PLXNC1: variants seen among roughly 807,000 people sequenced by gnomAD.
PLXNC1 encodes the protein plexin-C1.
A neutral mutation model predicts 178.2 loss-of-function variants in PLXNC1; 75 were observed. The observed-to-expected ratio is 0.42, with a 90% CI of 0.35 to 0.51. The LOEUF (loss-of-function observed/expected upper bound fraction) is 0.51. Ranked by LOEUF, PLXNC1 falls within the 20% of genes least tolerant of loss-of-function variation. The pLI is 0.02. For missense variants in PLXNC1, 1,503 were observed against 1,984.4 expected, an observed-to-expected ratio of 0.76 and a Z score of 4.61; for synonymous variants, 790 against 779.9, an observed-to-expected ratio of 1.01 and a Z score of -0.22.
chr12:94,302,248 T>G (rs1025485883), intron 28 of PLXNC1, among the ~76,000 whole-genome samples: 5 of 152,202 alleles, frequency 3.3e-5, no homozygotes, highest in African/African-American at 1.2e-4. Context: ...ACATACCCAC[T>G]GTGCTACAGC....
chr12:94,225,020 G>T (rs1396711085), intron 7 of PLXNC1, among the ~76,000 whole-genome samples: 2 of 152,164 alleles, frequency 1.3e-5, no homozygotes, highest in African/African-American at 4.8e-5. Context: ...AGGACAAGGT[G>T]AAGTCCCTTT....
intron 9 of PLXNC1, among the ~76,000 whole-genome samples, chr12:94,235,563 T>A (rs761240110): frequency 4.6e-5 from 7 of 152,180 alleles, no homozygotes; most frequent in Non-Finnish European, 1.0e-4. Flanking sequence ...AAATTCTATC[T>A]TGCTCCCCTA....
intron 17 of PLXNC1, among the ~76,000 whole-genome samples, chr12:94,259,124 C>A (rs1964929345): frequency 6.6e-6 from 1 of 152,150 alleles, no homozygotes; most frequent in South Asian, 2.1e-4. Flanking sequence ...AATTATTATT[C>A]TTAGAGGCTT....
chr12:94,286,464 A>G (rs1966843547), intron 23 of PLXNC1, among the ~76,000 whole-genome samples: 1 of 152,128 alleles, frequency 6.6e-6, no homozygotes, highest in Non-Finnish European at 1.5e-5. Flanking sequence ...GTAATTTGAC[A>G]GGGCTGGGCT....
rs757586679 is a variant in PLXNC1, at chr12:94,149,751, C to T, written c.780C>T (p.Gly260=). The change falls in exon 1 of 31, where the codon GGC becomes GGT. Residue 260 remains glycine, a synonymous_variant. Coordinates refer to ENST00000258526, the MANE Select transcript of PLXNC1 (RefSeq NM_005761.3). Reference sequence around the variant, plus strand: ...ACTACACGAGCGGCGCTGCCACCGGCTGGCCCAGCATGGCGCGCATCGCGC... The same window carrying T: ...ACTACACGAGCGGCGCTGCCACCGGTTGGCCCAGCATGGCGCGCATCGCGC... ...PYNYTSGAAT[G]WPSMARIAQS... is the part of the protein sequence containing the mutation. 1.9e-6 allele frequency: 3 copies of T among 1,610,540 alleles called. No homozygotes were observed. The highest frequency in any genetic ancestry group is 2.5e-6 in the Non-Finnish European group (3 of 1,179,400).
At chr12:94,234,573 C>G (rs754227151) in intron 9 of PLXNC1, among the ~76,000 whole-genome samples, 7 of 152,132 alleles carry the variant, frequency 4.6e-5, no homozygotes, top group Non-Finnish European at 1.0e-4. Flanking sequence ...ACAGGAAGCA[C>G]ACTATTCTGA....
intron 2 of PLXNC1, among the ~76,000 whole-genome samples, chr12:94,173,581 G>GA (rs1391926397): frequency 6.6e-6 from 1 of 152,088 alleles, no homozygotes; most frequent in Non-Finnish European, 1.5e-5. Flanking sequence ...CTTTATAAAT[G>GA]AAAAAACCTG....
At chr12:94,291,981 C>A (rs994636664) in intron 23 of PLXNC1, among the ~76,000 whole-genome samples, 1 of 152,182 alleles carries the variant, frequency 6.6e-6, no homozygotes, top group Non-Finnish European at 1.5e-5. Context: ...TAGGACCATA[C>A]AATATGTGGT....
chr12:94,256,336 G>A (rs1964838406), intron 17 of PLXNC1: 1 of 152,182 alleles, frequency 6.6e-6, no homozygotes, highest in Non-Finnish European at 1.5e-5. Context: ...GATATGTAAT[G>A]CGGGGTCTGG....
At chr12:94,199,713 C>A (rs925959254) in intron 4 of PLXNC1, among the ~76,000 whole-genome samples, 2 of 152,226 alleles carry the variant, frequency 1.3e-5, no homozygotes, top group African/African-American at 4.8e-5. Flanking sequence ...CACCTCTCCA[C>A]CCTTGGTGTC....
chr12:94,279,898 G>C (rs766130002), intron 22 of PLXNC1: 1 of 641,468 alleles, frequency 1.6e-6, no homozygotes, highest in Non-Finnish European at 2.9e-6. Context: ...TAAATATTAC[G>C]TCTGTAAATC....
intron 24 of PLXNC1, among the ~76,000 whole-genome samples, chr12:94,296,027 C>T (rs1159067405): frequency 6.6e-6 from 1 of 152,210 alleles, no homozygotes; most frequent in Non-Finnish European, 1.5e-5. Flanking sequence ...CAGTCTCTCA[C>T]CTGTGCTTTG....
chr12:94,186,680 C>G (rs1430337128), intron 4 of PLXNC1: 2 of 499,406 alleles, frequency 4.0e-6, no homozygotes, highest in Admixed American at 3.1e-5. Flanking sequence ...CCCGGGAGCT[C>G]CCCAGTCTCG....
intron 2 of PLXNC1, among the ~76,000 whole-genome samples, chr12:94,177,775 C>T (rs971462195): frequency 2.0e-5 from 3 of 152,038 alleles, no homozygotes; most frequent in African/African-American, 7.3e-5. Flanking sequence ...TAAAATAAGC[C>T]CCCAATAAAA....
chr12:94,215,106 C>T (rs1963605691), intron 5 of PLXNC1, among the ~76,000 whole-genome samples: 1 of 152,178 alleles, frequency 6.6e-6, no homozygotes, highest in Admixed American at 6.5e-5. Flanking sequence ...CCATGTTGGC[C>T]AGGCTGGTCT....
chr12:94,150,081 C>A, intron 1 of PLXNC1, 48 bp downstream of exon 1: 1 of 1,351,292 alleles, frequency 7.4e-7, no homozygotes, highest in Non-Finnish European at 9.9e-7. Context: ...TGCCGGGGAG[C>A]CGCCGCCGCC....
Position 94,186,464 on chromosome 12 carries a change from C to T in PLXNC1, c.1430C>T (p.Ser477Leu), listed in dbSNP as rs371839211. Reference protein sequence around the residue: ...ATDPHCGWCHSLQRCTFQGDC... With the variant: ...ATDPHCGWCHLLQRCTFQGDC... ...GACCCTCACTGCGGTTGGTGCCATTCGCTACAAAGGTATCTCCTGAATTCT... is the reference window on the plus strand; with the variant it reads ...GACCCTCACTGCGGTTGGTGCCATTTGCTACAAAGGTATCTCCTGAATTCT... Residue 477 changes from serine to leucine, a missense_variant, in exon 4 of 31, where the codon TCG becomes TTG. Physicochemically the swap from Ser to Leu is moderately radical, Grantham distance 145. This residue lies in a region of PLXNC1 where 615 missense variants were observed against 698.6 expected (regional missense o/e 0.88). Transcript: ENST00000258526. 45 of 1,608,270 alleles carry T rather than the reference C, an allele frequency of 2.8e-5. No homozygotes were observed. In the East Asian group the frequency reaches 4.0e-4, roughly 14 times the overall value.
chr12:94,259,515 T>G (rs1272067259), intron 18 of PLXNC1, 95 bp from the exon 19 acceptor site: 12 of 1,160,914 alleles, frequency 1.0e-5, no homozygotes, highest in Non-Finnish European at 1.4e-5. Context: ...TATTGAATAA[T>G]TCATTGTCTT....
intron 20 of PLXNC1, chr12:94,262,876 C>G (rs1965037859): frequency 1.5e-5 from 11 of 714,350 alleles, no homozygotes; most frequent in Non-Finnish European, 1.9e-5. Flanking sequence ...ATTTCATCCC[C>G]TTAAGGGTCC....
Sources: allele counts gnomAD v4.1 joint callset (sites outside exome capture counted in the v4.1 genomes callset), GRCh38; gene constraint gnomAD v4.1.1; regional missense constraint gnomAD v4.1.1; transcripts MANE v1.5; gene names NCBI Gene and HGNC (gene_info 2026-07-23, HGNC 2026-07-21).